The following LTBP1 variants were observed in gnomAD, a reference collection of about 807,000 sequenced individuals.
The protein encoded by LTBP1 is latent-transforming growth factor beta-binding protein 1.
A neutral mutation model predicts 207.6 loss-of-function variants in LTBP1; 129 were observed. The observed-to-expected ratio is 0.62, with a 90% confidence interval of 0.54 to 0.72. The LOEUF is 0.72. LTBP1 is among the 30% of genes least tolerant of loss of function. The pLI is 0.00. For synonymous variants in LTBP1, 963 were observed against 833.7 expected, an observed-to-expected ratio of 1.16 and a Z score of -2.67; for missense variants, 2,281 against 2,217.2, an observed-to-expected ratio of 1.03 and a Z score of -0.58.
chr2:33,271,465 A>C (rs2093320006), intron 15 of LTBP1, among the ~76,000 whole-genome samples: 2 of 152,280 alleles, frequency 1.3e-5, no homozygotes, highest in East Asian at 1.9e-4. Flanking sequence ...TGTGCATCTC[A>C]TGCTGTTTCA....
chr2:33,227,125 T>A (rs2149491294), intron 9 of LTBP1, among the ~76,000 whole-genome samples: 1 of 152,184 alleles, frequency 6.6e-6, no homozygotes, highest in South Asian at 2.1e-4. Flanking sequence ...AACCTCCGCT[T>A]CCTGGGTTCA....
At chr2:33,323,493 C>T (rs1025423227) in intron 24 of LTBP1, among the ~76,000 whole-genome samples, 1 of 152,006 alleles carries the variant, frequency 6.6e-6, no homozygotes, top group African/African-American at 2.4e-5. Context: ...AAAAAATTAC[C>T]CAGATGTGGT....
chr2:33,215,067 C>T (rs1395429814), intron 7 of LTBP1, among the ~76,000 whole-genome samples: 1 of 152,004 alleles, frequency 6.6e-6, no homozygotes, highest in Non-Finnish European at 1.5e-5. Flanking sequence ...CACTCACACG[C>T]CTTCTACTCC....
At chr2:33,234,400 T>C (rs1326141571) in intron 9 of LTBP1, among the ~76,000 whole-genome samples, 1 of 151,864 alleles carries the variant, frequency 6.6e-6, no homozygotes, top group Non-Finnish European at 1.5e-5. Context: ...GGTATGGCTA[T>C]AGACACGAGC....
chr2:33,170,196 C>T (rs1054902280), intron 5 of LTBP1, among the ~76,000 whole-genome samples: 2 of 152,262 alleles, frequency 1.3e-5, no homozygotes, highest in East Asian at 1.9e-4. Context: ...CGAAGCAGGG[C>T]GAGGCATTGC....
At chr2:33,365,543 G>A in intron 31 of LTBP1, 40 bp downstream of exon 31, 1 of 1,593,984 alleles carries the variant, frequency 6.3e-7, no homozygotes, top group Non-Finnish European at 8.6e-7. Context: ...AGGCCTTTGG[G>A]GACAAGTTCA....
rs141293860 is a variant in LTBP1 at position 33,293,236 on chromosome 2, A to G, written c.3189A>G (p.Ser1063=). ...ACCTTGAAGGCTCCTACATGTGTTC[A>G]TGCCACAAAGGCTATACCCGGACTC... ...CSNLEGSYMC[S]CHKGYTRTPD... The change falls in exon 20 of 34, where the codon TCA becomes TCG. Residue 1063 remains serine, a synonymous_variant. Transcript: ENST00000404816. 3.5e-5 allele frequency: 57 copies of G among 1,614,156 alleles called. No individual in the cohort carries two copies. In the African/African-American group the frequency reaches 7.2e-4, roughly 20 times the overall value.
Position 33,134,556 on chromosome 2 carries a change from A to G in LTBP1, c.1034-237A>G, listed in dbSNP as rs2082005047. 8 of 1,528,492 alleles carry G rather than the reference A, an allele frequency of 5.2e-6. No individual in the cohort carries two copies. Among genetic ancestry groups the G allele is most frequent in the Non-Finnish European group, 7.1e-6 (8 of 1,133,598 alleles). The allele number at this position is 1,528,492 out of a possible 1,614,324, so 94.7% of individuals were successfully genotyped here. Reference sequence around the variant, plus strand: ...GACTTCAAATGTGGTTTTGGAGTGCATCCCAGAGTTCTGTTTGCTAAGCTT... The same window carrying G: ...GACTTCAAATGTGGTTTTGGAGTGCGTCCCAGAGTTCTGTTTGCTAAGCTT... On this transcript the variant is annotated intron_variant, in intron 4 of 33. Coordinates refer to ENST00000404816, the MANE Select transcript of LTBP1 (RefSeq NM_206943.4). The surrounding 1 kb of genome is among the most constrained non-coding windows in gnomAD (Gnocchi z 4.4).
In LTBP1 at chr2:33,325,327, T is replaced by C. The variant is rs76554029; in HGVS notation, c.3730+10058T>C. ...ATAGAAAGAGAAAAATTAGAAAATA[T>C]AGAAAAAAGTGAGAATTTTTTGGCT... On this transcript the variant is annotated intron_variant, in intron 24 of 33. Transcript: ENST00000404816. Among the ~76,000 whole-genome samples, 1,349 of 152,280 alleles carry C rather than the reference T, an allele frequency of 8.9e-3. 11 individuals carry two copies. Among genetic ancestry groups the C allele is most frequent in the Non-Finnish European group, 0.014 (978 of 68,018 alleles).
At chr2:33,031,694 G>A (rs982713655) in intron 3 of LTBP1, among the ~76,000 whole-genome samples, 27 of 152,166 alleles carry the variant, frequency 1.8e-4, no homozygotes, top group African/African-American at 6.5e-4. Context: ...TGGACGATAG[G>A]GTGGGAATGA....
chr2:33,250,356 A>C (rs185998761), intron 10 of LTBP1, among the ~76,000 whole-genome samples: 179 of 152,304 alleles, frequency 1.2e-3, no homozygotes, highest in Non-Finnish European at 1.4e-3. Flanking sequence ...GGTTGACTAG[A>C]GGCATCTGGT....
chr2:33,157,679 G>A (rs74888072), intron 5 of LTBP1, among the ~76,000 whole-genome samples: 2,320 of 152,308 alleles, frequency 0.015, 22 homozygotes, highest in East Asian at 0.027. Flanking sequence ...GGATGATGGT[G>A]CTGTACTGGA....
chr2:33,357,531 G>A (rs1028255887), intron 26 of LTBP1, among the ~76,000 whole-genome samples: 3 of 152,166 alleles, frequency 2.0e-5, no homozygotes, highest in Non-Finnish European at 2.9e-5. Flanking sequence ...AAGTGAGGAT[G>A]CTGTATTTAC....
intron 31 of LTBP1, among the ~76,000 whole-genome samples, chr2:33,388,539 G>A (rs938204687): frequency 6.6e-6 from 1 of 152,180 alleles, no homozygotes. Flanking sequence ...TGTGTATTAA[G>A]TGCTTAGAAC....
At chr2:33,074,036 G>T (rs2077944324) in intron 3 of LTBP1, among the ~76,000 whole-genome samples, 1 of 152,138 alleles carries the variant, frequency 6.6e-6, no homozygotes, top group Non-Finnish European at 1.5e-5. Flanking sequence ...AGTTTTGGTT[G>T]GCCAAGTAGT....
chr2:33,364,544 T>G (rs1402213312), intron 30 of LTBP1, among the ~76,000 whole-genome samples, 188 bp downstream of exon 30: 2 of 152,226 alleles, frequency 1.3e-5, no homozygotes, highest in African/African-American at 2.4e-5. Flanking sequence ...GTAGGAGATT[T>G]AATAGCCTGG....
chr2:33,200,308 C>G (rs1489811850), intron 7 of LTBP1, among the ~76,000 whole-genome samples: 1 of 152,144 alleles, frequency 6.6e-6, no homozygotes, highest in Non-Finnish European at 1.5e-5. Context: ...ACAGAGCCCT[C>G]AGAAATAATG....
At position 33,093,006 on chromosome 2, in the gene LTBP1, T is replaced by C. The variant is rs186071454; in HGVS notation, c.864-17576T>C. Among the ~76,000 whole-genome samples the C allele has an allele frequency of 3.9e-3, 589 of 152,308 alleles. 5 individuals carry two copies. The highest frequency in any genetic ancestry group is 0.012 in the African/African-American group (498 of 41,560). ...CTTATAGTTTCATAAATTCCTTTCATTTCTGTCACAGGTGGAGGGGAGGGA... is the reference window on the plus strand; with the variant it reads ...CTTATAGTTTCATAAATTCCTTTCACTTCTGTCACAGGTGGAGGGGAGGGA... On this transcript the variant is annotated intron_variant, in intron 3 of 33. Coordinates refer to ENST00000404816, the MANE Select transcript of LTBP1 (RefSeq NM_206943.4).
chr2:33,368,751 C>G (rs1186184872), intron 31 of LTBP1, among the ~76,000 whole-genome samples: 2 of 152,138 alleles, frequency 1.3e-5, no homozygotes, highest in Non-Finnish European at 2.9e-5. Context: ...GTGGTACACA[C>G]CTGTAGTCCT....
Sources: allele counts gnomAD v4.1 joint callset (sites outside exome capture counted in the v4.1 genomes callset), GRCh38; gene constraint gnomAD v4.1.1; non-coding constraint Gnocchi (gnomAD v3.1); transcripts MANE v1.5; gene names NCBI Gene and HGNC (gene_info 2026-07-23, HGNC 2026-07-21).